NIPSNAP3A: variants seen among roughly 807,000 people sequenced by gnomAD.
The protein encoded by NIPSNAP3A is protein NipSnap homolog 3A.
A neutral mutation model predicts 32.3 loss-of-function variants in NIPSNAP3A; 27 were observed. The observed-to-expected ratio is 0.84, with a 90% CI of 0.62 to 1.15. The LOEUF (loss-of-function observed/expected upper bound fraction) is 1.15. Ranked by LOEUF, NIPSNAP3A falls within the 50% of genes most tolerant of loss-of-function variation. The probability of loss-of-function intolerance (pLI) is 0.00; values close to 1 mark genes in which losing one functional copy is unlikely to be tolerated. For missense variants in NIPSNAP3A, 278 were observed against 297.2 expected (o/e 0.94, Z 0.48); for synonymous variants, 108 against 107.3 (o/e 1.01, Z -0.04).
chr9:104,750,852 A>G, intron 1 of NIPSNAP3A, 104 bp from the exon 2 acceptor site: 2 of 880,686 alleles, frequency 2.3e-6, no homozygotes, highest in African/African-American at 1.6e-5. Flanking sequence ...AAACATGAGT[A>G]ATGAGTCTAT....
chr9:104,758,860 C>G (rs1195872861), intron 4 of NIPSNAP3A, among the ~76,000 whole-genome samples: 4 of 149,144 alleles, frequency 2.7e-5, no homozygotes, highest in Non-Finnish European at 5.9e-5. Context: ...ATTCCAGCTA[C>G]TCAGGAGGCT....
At chr9:104,751,262 A>T in intron 2 of NIPSNAP3A, 96 bp downstream of exon 2, 1 of 1,114,686 alleles carries the variant, frequency 9.0e-7, no homozygotes, top group Admixed American at 1.7e-5. Flanking sequence ...TAGTTCTTGG[A>T]TGTATATTAT....
At chr9:104,748,564 G>A (rs906705104) in intron 1 of NIPSNAP3A, among the ~76,000 whole-genome samples, 1 of 152,204 alleles carries the variant, frequency 6.6e-6, no homozygotes, top group Non-Finnish European at 1.5e-5. Context: ...ACTTTCGGGA[G>A]TGGCCTATTC....
intron 1 of NIPSNAP3A, 115 bp downstream of exon 1, chr9:104,747,967 A>C (rs538622235): frequency 9.1e-7 from 1 of 1,098,728 alleles, no homozygotes; most frequent in Non-Finnish European, 1.3e-6. Flanking sequence ...GCGCGCCCAG[A>C]CCTGGGGCCC....
Position 104,751,013 on chromosome 9 carries a change from C to T in NIPSNAP3A, c.118C>T (p.Arg40Cys), listed in dbSNP as rs775081506. 1.5e-5 allele frequency: 24 copies of T among 1,613,802 alleles called. No individual in the cohort carries two copies. In the East Asian group the frequency reaches 3.8e-4, roughly 25 times the overall value. The change falls in exon 2 of 6, where the codon CGT (arginine) becomes TGT (cysteine). Residue 40 changes from arginine (R) to cysteine (C), a missense_variant. Arg to Cys is a radical substitution (Grantham distance 180). Transcript: ENST00000374767. ...RQYDGIFYEFRSYYLKPSKMN... is the reference protein window; with the variant it reads ...RQYDGIFYEFCSYYLKPSKMN... Reference sequence around the variant, plus strand: ...ATACGATGGAATATTCTATGAATTTCGTTCTTATTACCTTAAGCCCTCAAA... The same window carrying T: ...ATACGATGGAATATTCTATGAATTTTGTTCTTATTACCTTAAGCCCTCAAA...
At chr9:104,748,571 A>G (rs149122702) in intron 1 of NIPSNAP3A, among the ~76,000 whole-genome samples, 250 of 152,292 alleles carry the variant, frequency 1.6e-3, no homozygotes, top group African/African-American at 5.7e-3. Flanking sequence ...GGAGTGGCCT[A>G]TTCTGTGGCT....
intron 1 of NIPSNAP3A, among the ~76,000 whole-genome samples, chr9:104,749,835 T>A (rs1034711512): frequency 2.0e-5 from 3 of 152,236 alleles, no homozygotes; most frequent in African/African-American, 7.2e-5. Flanking sequence ...AAGTGATATT[T>A]TCATCAATGT....
chr9:104,749,814 T>G (rs896984355), intron 1 of NIPSNAP3A, among the ~76,000 whole-genome samples: 1 of 152,200 alleles, frequency 6.6e-6, no homozygotes, highest in African/African-American at 2.4e-5. Context: ...CAAAAGGAAT[T>G]AATGGTTCTT....
intron 1 of NIPSNAP3A, 136 bp downstream of exon 1, chr9:104,747,988 C>T: frequency 2.8e-6 from 2 of 726,660 alleles, no homozygotes; most frequent in Non-Finnish European, 4.3e-6. Context: ...CGGTGAGGTT[C>T]TAGCGTGAGC....
chr9:104,752,074 C>T (rs919486218), intron 2 of NIPSNAP3A, among the ~76,000 whole-genome samples: 2 of 152,006 alleles, frequency 1.3e-5, no homozygotes, highest in African/African-American at 4.8e-5. Flanking sequence ...TCTGATATAC[C>T]TCACTTAAGT....
Position 104,759,593 on chromosome 9 carries a change from CT to C in NIPSNAP3A, c.*257del. ...TTGTCACTGTTTTAAGATCTTGACT[CT>C]TCATTTGTTTCAGAATAGCTCTTCT... On this transcript the variant is annotated 3_prime_UTR_variant, in exon 6 of 6. Coordinates refer to ENST00000374767, the MANE Select transcript of NIPSNAP3A (RefSeq NM_015469.3). The C allele has an allele frequency of 2.2e-6, 1 of 459,422 alleles. No homozygotes were observed. The allele number at this position is 459,422 out of a possible 1,614,324, so 28.5% of individuals were successfully genotyped here. A position where few individuals can be genotyped will look rare whatever the true frequency, so the allele number is the denominator to read the frequency against.
At position 104,748,178 on chromosome 9, in the gene NIPSNAP3A, A is replaced by G. The variant is rs182788056; in HGVS notation, c.60+326A>G. The stretch of plus-strand genomic sequence containing the variant: ...GCTGTTTCGTTTTTGCTGCCCAGCT[A>G]TGTCGCGGCTGCGGCCCAGCGAGCG... On this transcript the variant is annotated intron_variant, in intron 1 of 5. Coordinates refer to ENST00000374767, the MANE Select transcript of NIPSNAP3A (RefSeq NM_015469.3). 4.5e-3 allele frequency among the ~76,000 whole-genome samples: 681 copies of G among 152,172 alleles called. 4 individuals carry two copies. The highest frequency in any genetic ancestry group is 0.016 in the African/African-American group (660 of 41,538).
At position 104,751,041 on chromosome 9, in the gene NIPSNAP3A, T is replaced by TA; in HGVS notation, c.146_147insA (p.Met49IlefsTer3). 1 of 1,614,062 alleles carries TA rather than the reference T, an allele frequency of 6.2e-7. No homozygotes were observed. The highest frequency in any genetic ancestry group is 8.5e-7 in the Non-Finnish European group (1 of 1,179,916). Reference sequence around the variant, plus strand: ...TCTTATTACCTTAAGCCCTCAAAGATGAATGAGTTCCTGGAAAATTTTGAG... The same window carrying TA: ...TCTTATTACCTTAAGCCCTCAAAGATAGAATGAGTTCCTGGAAAATTTTGAG... On this transcript the variant is annotated frameshift_variant, in exon 2 of 6. Coordinates refer to ENST00000374767, the MANE Select transcript of NIPSNAP3A (RefSeq NM_015469.3). LOFTEE classifies it high-confidence loss of function.
At chr9:104,752,306 G>A (rs1827856237) in intron 2 of NIPSNAP3A, among the ~76,000 whole-genome samples, 1 of 152,108 alleles carries the variant, frequency 6.6e-6, no homozygotes, top group Admixed American at 6.6e-5. Flanking sequence ...TTTGTTCAAA[G>A]GAGAAGAGGC....
At chr9:104,753,152 AAT>A in intron 3 of NIPSNAP3A, 88 bp downstream of exon 3, 1 of 1,055,290 alleles carries the variant, frequency 9.5e-7, no homozygotes, top group Non-Finnish European at 1.4e-6. Context: ...TTTGGAAAAA[AAT>A]AAAATTAATT....
chr9:104,753,834 T>C (rs4742921), intron 3 of NIPSNAP3A: 5,122 of 152,506 alleles, frequency 0.034, 195 homozygotes, highest in East Asian at 0.22. Flanking sequence ...CTAAATAAAA[T>C]AGTTCACTTC....
intron 4 of NIPSNAP3A, among the ~76,000 whole-genome samples, chr9:104,755,884 C>T (rs1827900621): frequency 6.6e-6 from 1 of 151,866 alleles, no homozygotes; most frequent in South Asian, 2.1e-4. Flanking sequence ...CACCACTGCA[C>T]TCCAACCCCT....
chr9:104,749,671 G>A lies in NIPSNAP3A; in HGVS notation c.61-1285G>A, dbSNP rs76531651. On this transcript the variant is annotated intron_variant, in intron 1 of 5. Coordinates refer to ENST00000374767, the MANE Select transcript of NIPSNAP3A (RefSeq NM_015469.3). ...AGTGCATATATATATGTGTGTGTGC[G>A]TATGTGTGTGTGTATGTGTATACAT... is the stretch of plus-strand genomic sequence containing the variant. Among the ~76,000 whole-genome samples, 34 of 152,164 alleles carry A rather than the reference G, an allele frequency of 2.2e-4. 2 individuals are homozygous for A. The highest frequency in any genetic ancestry group is 1.7e-3 in the South Asian group (8 of 4,822).
intron 2 of NIPSNAP3A, among the ~76,000 whole-genome samples, chr9:104,752,338 C>G (rs973003884): frequency 3.3e-5 from 5 of 152,128 alleles, no homozygotes; most frequent in Non-Finnish European, 7.4e-5. Context: ...GGTTTAACTT[C>G]ACTCATGTTA....
Sources: gnomAD v4.1 joint callset for allele counts (sites outside exome capture counted in the v4.1 genomes callset) on GRCh38, gnomAD v4.1.1 for gene constraint, MANE v1.5 for transcripts, NCBI Gene and HGNC (gene_info 2026-07-23, HGNC 2026-07-21) for gene names.